The following ATP1B3 variants were observed in gnomAD, a reference collection of about 807,000 sequenced individuals.
ATP1B3 encodes ATPase Na+/K+ transporting subunit beta 3.
ATP1B3 carries 10 observed loss-of-function variants against 30.2 expected under a neutral mutation model. The ratio of observed to expected loss-of-function variants is 0.33; its 90% confidence interval spans 0.20 to 0.56. The LOEUF (loss-of-function observed/expected upper bound fraction) is 0.56. ATP1B3 is among the 20% of genes least tolerant of loss of function. The probability of loss-of-function intolerance (pLI) is 0.90; values close to 1 mark genes in which losing one functional copy is unlikely to be tolerated. For missense variants in ATP1B3, 238 were observed against 336.7 expected, an observed-to-expected ratio of 0.71 and a Z score of 2.29; for synonymous variants, 113 against 117.0, an observed-to-expected ratio of 0.97 and a Z score of 0.22.
At chr3:141,917,984 G>A (rs1018890923) in intron 5 of ATP1B3, among the ~76,000 whole-genome samples, 2 of 151,908 alleles carry the variant, frequency 1.3e-5, no homozygotes, top group African/African-American at 4.8e-5. Flanking sequence ...TAGCCAGGAT[G>A]GTCTTGATCT....
In ATP1B3 at chr3:141,876,853, C is replaced by G. The variant is rs771858787; in HGVS notation, c.52C>G (p.Leu18Val). ...CAACCAGAGCCTGGCCGAGTGGAAG[C>G]TCTTCATCTACAACCCGACCACCGG... Reference protein sequence around the residue: ...SLNQSLAEWKLFIYNPTTGEF... With the variant: ...SLNQSLAEWKVFIYNPTTGEF... Residue 18 changes from leucine to valine, a missense_variant, in exon 1 of 7, where the codon CTC becomes GTC. Leu to Val is a conservative substitution (Grantham distance 32). Transcript: ENST00000286371. 1.3e-6 allele frequency: 2 copies of G among 1,585,808 alleles called. No homozygotes were observed. Among genetic ancestry groups the G allele is most frequent in the East Asian group, 4.8e-5 (2 of 41,410 alleles).
chr3:141,919,343 C>G (rs909050923), intron 5 of ATP1B3, among the ~76,000 whole-genome samples: 5 of 151,756 alleles, frequency 3.3e-5, no homozygotes, highest in African/African-American at 1.2e-4. Flanking sequence ...TCTTAAACTC[C>G]TGGCCTCAAG....
chr3:141,921,938 T>C (rs749060022), intron 5 of ATP1B3, 39 bp from the exon 6 acceptor site: 1 of 1,184,500 alleles, frequency 8.4e-7, no homozygotes. Context: ...CAAATTCTTT[T>C]TGTGACCTAA....
At chr3:141,916,472 C>T (rs1934465476) in intron 5 of ATP1B3, 3 of 974,038 alleles carry the variant, frequency 3.1e-6, no homozygotes, top group Admixed American at 4.6e-5. Context: ...CCTATCCCTA[C>T]TTACTTTTTT....
At chr3:141,910,327 A>T (rs960972624) in intron 3 of ATP1B3, among the ~76,000 whole-genome samples, 1 of 151,978 alleles carries the variant, frequency 6.6e-6, no homozygotes, top group African/African-American at 2.4e-5. Flanking sequence ...ACTTTTTCTT[A>T]CGGTGTTTTT....
intron 1 of ATP1B3, among the ~76,000 whole-genome samples, chr3:141,894,380 A>T (rs1167894822): frequency 6.6e-6 from 1 of 151,808 alleles, no homozygotes; most frequent in African/African-American, 2.4e-5. Context: ...CTGGTCTCGA[A>T]CTCCTGGCTT....
intron 2 of ATP1B3, among the ~76,000 whole-genome samples, chr3:141,905,408 C>A (rs946791383): frequency 6.6e-6 from 1 of 152,124 alleles, no homozygotes; most frequent in African/African-American, 2.4e-5. Flanking sequence ...GGGCAACCCC[C>A]ACAACAAAGA....
intron 3 of ATP1B3, among the ~76,000 whole-genome samples, chr3:141,908,437 C>A (rs928536052): frequency 3.3e-5 from 5 of 152,160 alleles, no homozygotes. Flanking sequence ...TCTCCCACCC[C>A]GTCTTCCCTT....
At chr3:141,894,987 C>T (rs144668283) in intron 1 of ATP1B3, among the ~76,000 whole-genome samples, 18 of 151,896 alleles carry the variant, frequency 1.2e-4, no homozygotes, top group African/African-American at 4.1e-4. Flanking sequence ...CATTGTGTTG[C>T]GACATCACTA....
intron 1 of ATP1B3, among the ~76,000 whole-genome samples, chr3:141,883,097 C>T (rs572443492): frequency 1.3e-5 from 2 of 152,282 alleles, no homozygotes; most frequent in East Asian, 1.9e-4. Context: ...GGGCTGTTTC[C>T]TAGCTTCTGG....
At chr3:141,914,648 A>G (rs1239142878) in intron 4 of ATP1B3, among the ~76,000 whole-genome samples, 1 of 152,216 alleles carries the variant, frequency 6.6e-6, no homozygotes, top group Non-Finnish European at 1.5e-5. Context: ...GTCATTTAAA[A>G]CAGGTGTAGA....
chr3:141,899,412 A>C (rs1346922518), intron 1 of ATP1B3, among the ~76,000 whole-genome samples: 1 of 152,304 alleles, frequency 6.6e-6, no homozygotes, highest in Non-Finnish European at 1.5e-5. Context: ...TGAGAGGCCC[A>C]ATCTTTCTAG....
At chr3:141,897,911 T>C (rs909359942) in intron 1 of ATP1B3, among the ~76,000 whole-genome samples, 2 of 152,216 alleles carry the variant, frequency 1.3e-5, no homozygotes, top group East Asian at 1.9e-4. Flanking sequence ...GTTTTCACCA[T>C]GTTGGCCAGG....
Position 141,913,819 on chromosome 3 carries a change from C to A in ATP1B3, c.514C>A (p.Leu172Ile). Residue 172 changes from leucine to isoleucine, a missense_variant, in exon 4 of 7, where the codon CTT (leucine) becomes ATT (isoleucine). Around this residue, in one of 3 missense-constraint regions of ATP1B3, gnomAD observed 58 missense variants for 125.6 expected, o/e 0.46. Transcript: ENST00000286371. ...CTATTCTCAAGGAAACCCTTGTATT[C>A]TTGTGAAAATGAACAGAGTACGTAC... Reference protein sequence around the residue: ...FGYSQGNPCILVKMNRIIGLK... With the variant: ...FGYSQGNPCIIVKMNRIIGLK... The A allele has an allele frequency of 1.2e-6, 2 of 1,612,356 alleles. No homozygotes were observed. The highest frequency in any genetic ancestry group is 2.2e-5 in the East Asian group (1 of 44,826).
intron 2 of ATP1B3, among the ~76,000 whole-genome samples, chr3:141,904,435 T>G (rs1445330954): frequency 6.6e-6 from 1 of 152,076 alleles, no homozygotes; most frequent in Non-Finnish European, 1.5e-5. Context: ...CTTGAGTAAT[T>G]AAGGTATATA....
intron 1 of ATP1B3, chr3:141,902,166 G>A: frequency 1.6e-6 from 2 of 1,289,778 alleles, no homozygotes; most frequent in Non-Finnish European, 2.0e-6. Flanking sequence ...AAGTGATGCT[G>A]TCTGAAGGTG....
chr3:141,892,775 C>CA (rs1443004018), intron 1 of ATP1B3, among the ~76,000 whole-genome samples: 4 of 151,028 alleles, frequency 2.6e-5, no homozygotes, highest in Non-Finnish European at 1.5e-5. Context: ...GTGTAGATTG[C>CA]AAAGGGGTAC....
intron 1 of ATP1B3, among the ~76,000 whole-genome samples, chr3:141,885,214 C>T (rs988687475): frequency 6.6e-6 from 1 of 152,114 alleles, no homozygotes; most frequent in African/African-American, 2.4e-5. Context: ...TCTTTGTGGC[C>T]CATATCCCCA....
intron 1 of ATP1B3, among the ~76,000 whole-genome samples, chr3:141,894,883 A>G (rs1158828526): frequency 1.3e-5 from 2 of 152,194 alleles, no homozygotes; most frequent in African/African-American, 4.8e-5. Flanking sequence ...ATCATTATTA[A>G]GTATTATGCA....
Sources: allele counts gnomAD v4.1 joint callset (sites outside exome capture counted in the v4.1 genomes callset), GRCh38; gene constraint gnomAD v4.1.1; regional missense constraint gnomAD v4.1.1; transcripts MANE v1.5; gene names NCBI Gene and HGNC (gene_info 2026-07-23, HGNC 2026-07-21).